NELL1: variants seen among roughly 807,000 people sequenced by gnomAD.
NELL1 encodes the protein protein kinase C-binding protein NELL1.
Under a neutral mutation model 107.4 loss-of-function variants are expected in NELL1, and 76 were observed. The ratio of observed to expected loss-of-function variants is 0.71; its 90% CI spans 0.59 to 0.86. The LOEUF (loss-of-function observed/expected upper bound fraction) is 0.86, where lower values mean the gene tolerates loss of function less well. Ranked by LOEUF, NELL1 falls within the 40% of genes least tolerant of loss-of-function variation. The pLI is 0.00. For missense variants in NELL1, 1,024 were observed against 1,005.5 expected (o/e 1.02, Z -0.25); for synonymous variants, 353 against 341.2 (o/e 1.03, Z -0.38).
intron 1 of NELL1, 34 bp from the exon 2 acceptor site, chr11:20,677,897 AT>A: frequency 6.2e-7 from 1 of 1,611,498 alleles, no homozygotes; most frequent in African/African-American, 1.3e-5. Context: ...AACAGTCTGC[AT>A]TTTAAGCCCA....
In NELL1 at chr11:20,799,663, A is replaced by G. The variant is rs61880393; in HGVS notation, c.335+15833A>G. Among the ~76,000 whole-genome samples the G allele has an allele frequency of 1.4e-4, 5 of 35,940 alleles. No homozygotes were observed. The Admixed American group carries it at 3.9e-3, about 28-fold the overall frequency. The allele number at this position is 35,940 out of a possible 152,430, so 23.6% of individuals were successfully genotyped here. ...GACAGCCAGAAGTATGTATGTGTGTATGTATGTATGTATGTATGTATTATT... is the reference window on the plus strand; with the variant it reads ...GACAGCCAGAAGTATGTATGTGTGTGTGTATGTATGTATGTATGTATTATT... On this transcript the variant is annotated intron_variant, in intron 3 of 19. Transcript: ENST00000357134.
intron 12 of NELL1, among the ~76,000 whole-genome samples, chr11:21,003,430 A>G (rs1852265888): frequency 6.6e-6 from 1 of 152,152 alleles, no homozygotes; most frequent in Non-Finnish European, 1.5e-5. Context: ...GGTCACATAA[A>G]TCTTGTGCTT....
At chr11:20,982,481 C>CT (rs1425412303) in intron 12 of NELL1, among the ~76,000 whole-genome samples, 3 of 152,202 alleles carry the variant, frequency 2.0e-5, no homozygotes, top group African/African-American at 7.2e-5. Context: ...TTGCTGCTAT[C>CT]TGGCTATGTG....
intron 13 of NELL1, among the ~76,000 whole-genome samples, chr11:21,206,615 T>C (rs931690049): frequency 1.3e-5 from 2 of 152,186 alleles, no homozygotes; most frequent in Non-Finnish European, 2.9e-5. Flanking sequence ...TGCCTTTTCT[T>C]TGGAATCTCA....
chr11:20,756,516 ATTTTTTTTTTT>A (rs753445309), intron 2 of NELL1, among the ~76,000 whole-genome samples: 1 of 97,322 alleles, frequency 1.0e-5, no homozygotes, highest in Non-Finnish European at 2.1e-5. Context: ...ATTTTTTGTA[ATTTTTTTTTTT>A]TTTTTTTTTT....
chr11:21,452,954 A>C (rs1001654644), intron 15 of NELL1, among the ~76,000 whole-genome samples: 2 of 151,834 alleles, frequency 1.3e-5, no homozygotes, highest in African/African-American at 2.4e-5. Flanking sequence ...AAAATTTCTT[A>C]ATATTTGGAA....
chr11:20,824,241 G>A (rs1273759534), intron 3 of NELL1, among the ~76,000 whole-genome samples: 1 of 151,244 alleles, frequency 6.6e-6, no homozygotes, highest in African/African-American at 2.4e-5. Context: ...TGCCATGAAT[G>A]CAAGTTTCCT....
intron 12 of NELL1, among the ~76,000 whole-genome samples, chr11:21,061,813 A>G (rs1157597893): frequency 3.3e-5 from 5 of 152,200 alleles, no homozygotes; most frequent in Non-Finnish European, 4.4e-5. Context: ...CACGTCTCCA[A>G]TTAGACTGGT....
chr11:21,160,640 A>T (rs1277405831), intron 13 of NELL1, among the ~76,000 whole-genome samples: 2 of 152,206 alleles, frequency 1.3e-5, no homozygotes, highest in Non-Finnish European at 2.9e-5. Context: ...GTTTAAAGGA[A>T]ACAAATGGAG....
At chr11:21,534,155 C>T (rs1383189044) in intron 15 of NELL1, among the ~76,000 whole-genome samples, 1 of 152,172 alleles carries the variant, frequency 6.6e-6, no homozygotes, top group East Asian at 1.9e-4. Flanking sequence ...CATAAGCTCT[C>T]ATTCATTGTT....
intron 14 of NELL1, among the ~76,000 whole-genome samples, chr11:21,363,779 C>T (rs1206641666): frequency 3.3e-5 from 5 of 152,150 alleles, no homozygotes; most frequent in Non-Finnish European, 5.9e-5. Context: ...TATTATCACA[C>T]AGGTTCAAGA....
At chr11:20,999,525 TA>T (rs1852168298) in intron 12 of NELL1, among the ~76,000 whole-genome samples, 1 of 152,172 alleles carries the variant, frequency 6.6e-6, no homozygotes, top group South Asian at 2.1e-4. Context: ...ACTTTCCTAC[TA>T]AAAATGTGTG....
rs867698530 is a variant in NELL1, at chr11:20,823,269, C to G, written c.336-24314C>G. The stretch of plus-strand genomic sequence containing the variant: ...AATGAGGAAGATGCAAAAGCAGAAA[C>G]TCCTGATAAAACCATCAGATCTCGT... On this transcript the variant is annotated intron_variant, in intron 3 of 19. Coordinates refer to ENST00000357134, the MANE Select transcript of NELL1 (RefSeq NM_006157.5). 5.3e-5 allele frequency among the ~76,000 whole-genome samples: 8 copies of G among 151,352 alleles called. 1 individual carries two copies. The Middle Eastern group carries it at 0.01, about 196-fold the overall frequency.
intron 14 of NELL1, among the ~76,000 whole-genome samples, chr11:21,337,794 TTCC>T (rs1196662503): frequency 5.7e-4 from 77 of 135,486 alleles, no homozygotes; most frequent in Non-Finnish European, 9.2e-4. Flanking sequence ...CTTTCTTTCT[TTCC>T]TTCTTTCTTT....
intron 14 of NELL1, among the ~76,000 whole-genome samples, chr11:21,299,316 CGCATTCTGCTCCTTCCATT>C (rs1392648686): frequency 5.3e-5 from 8 of 152,026 alleles, no homozygotes; most frequent in South Asian, 2.1e-4. Context: ...ATGCAGACAT[CGCATTCTGCTCCTTCCATT>C]GCATTCTGCT....
intron 2 of NELL1, among the ~76,000 whole-genome samples, chr11:20,716,554 T>C (rs140661735): frequency 2.1e-3 from 321 of 152,340 alleles, no homozygotes; most frequent in African/African-American, 7.1e-3. Flanking sequence ...TCCATGTCCA[T>C]GTACGTGTGT....
intron 4 of NELL1, among the ~76,000 whole-genome samples, chr11:20,850,996 C>T (rs1374739509): frequency 6.6e-6 from 1 of 152,112 alleles, no homozygotes; most frequent in East Asian, 1.9e-4. Context: ...ATCTCCAAAA[C>T]CTTAGTCTAA....
At chr11:21,088,190 C>T (rs12417046) in intron 12 of NELL1, among the ~76,000 whole-genome samples, 36,352 of 151,616 alleles carry the variant, frequency 0.24, 4,754 homozygotes, top group Middle Eastern at 0.34. Flanking sequence ...TAGATGACCA[C>T]GACCATACCC....
At chr11:21,236,780 G>A (rs1369438377) in intron 14 of NELL1, among the ~76,000 whole-genome samples, 1 of 152,038 alleles carries the variant, frequency 6.6e-6, no homozygotes, top group Admixed American at 6.6e-5. Flanking sequence ...TTTAGAGCTG[G>A]GAGGCACTGA....
Sources: gnomAD v4.1 joint callset for allele counts (sites outside exome capture counted in the v4.1 genomes callset) on GRCh38, gnomAD v4.1.1 for gene constraint, MANE v1.5 for transcripts, NCBI Gene and HGNC (gene_info 2026-07-23, HGNC 2026-07-21) for gene names.